Variants in FAM163A observed in about 807,000 individuals in gnomAD.
FAM163A encodes the protein protein FAM163A.
In FAM163A, 7 loss-of-function variants were observed where a neutral mutation model predicts 12.0. The observed-to-expected ratio is 0.58, with a 90% CI of 0.33 to 1.10. The LOEUF is 1.10. Ranked by LOEUF, FAM163A falls within the 50% of genes least tolerant of loss-of-function variation. The probability of loss-of-function intolerance (pLI) is 0.03; values close to 1 mark genes in which losing one functional copy is unlikely to be tolerated. For synonymous variants in FAM163A, 101 were observed against 91.0 expected, an observed-to-expected ratio of 1.11 and a Z score of -0.62; for missense variants, 202 against 218.6, an observed-to-expected ratio of 0.92 and a Z score of 0.48.
chr1:179,740,726 G>C (rs79002509), upstream of FAM163A, among the ~76,000 whole-genome samples: 3 of 152,160 alleles, frequency 2.0e-5, no homozygotes, highest in Non-Finnish European at 2.9e-5. Flanking sequence ...GGTTTCAAGA[G>C]ATTAGAGATG....
intron 2 of FAM163A, among the ~76,000 whole-genome samples, chr1:179,810,401 T>C (rs1694548431): frequency 1.3e-5 from 2 of 152,068 alleles, no homozygotes; most frequent in South Asian, 4.1e-4. Context: ...ACCCCCAGGG[T>C]CTCCAAGAGA....
At chr1:179,742,513 G>A (rs1305242815), upstream of FAM163A, 2 of 152,192 alleles carry the variant, frequency 1.3e-5, no homozygotes, top group Admixed American at 1.3e-4. Context: ...ACCGGAACAG[G>A]TAAACGTTCC....
chr1:179,813,208 G>T lies in FAM163A; in HGVS notation c.93+18G>T. 6 of 1,549,536 alleles carry T rather than the reference G, an allele frequency of 3.9e-6. No individual in the cohort carries two copies. Among genetic ancestry groups the T allele is most frequent in the Non-Finnish European group, 5.2e-6 (6 of 1,145,210 alleles). Reference sequence around the variant, plus strand: ...GGCTCCAGGTCAGTCCCCGGGACCCGTAGCCAGAGGCTGCCAGGCCACCAG... The same window carrying T: ...GGCTCCAGGTCAGTCCCCGGGACCCTTAGCCAGAGGCTGCCAGGCCACCAG... On this transcript the variant is annotated intron_variant, in intron 4 of 4. Coordinates refer to ENST00000341785, the MANE Select transcript of FAM163A (RefSeq NM_173509.3).
At chr1:179,758,608 A>T (rs1337525681) in intron 1 of FAM163A, among the ~76,000 whole-genome samples, 1 of 152,114 alleles carries the variant, frequency 6.6e-6, no homozygotes, top group African/African-American at 2.4e-5. Flanking sequence ...TTTCTAGACC[A>T]TTTCCTTCTT....
intron 1 of FAM163A, among the ~76,000 whole-genome samples, chr1:179,784,535 C>G (rs1690329057): frequency 6.6e-6 from 1 of 152,168 alleles, no homozygotes; most frequent in South Asian, 2.1e-4. Flanking sequence ...TCCAGTGTAA[C>G]CTTCAATAGT....
chr1:179,796,368 A>AT (rs1326860524), intron 1 of FAM163A, among the ~76,000 whole-genome samples: 1 of 152,226 alleles, frequency 6.6e-6, no homozygotes, highest in Non-Finnish European at 1.5e-5. Flanking sequence ...AAGGTGTCAC[A>AT]TTTAAAGAGA....
chr1:179,734,676 G>T, the FAM163A span, among the ~76,000 whole-genome samples: 2 of 152,078 alleles, frequency 1.3e-5, no homozygotes, highest in African/African-American at 4.8e-5. Context: ...CCTGCCAAAG[G>T]CCCCACCTCC....
intron 1 of FAM163A, among the ~76,000 whole-genome samples, chr1:179,787,204 G>A (rs1690755858): frequency 6.6e-6 from 1 of 152,214 alleles, no homozygotes. Context: ...TTAGCCCGAG[G>A]CTCCTCTTAA....
At chr1:179,810,768 C>T (rs1464542609) in intron 2 of FAM163A, among the ~76,000 whole-genome samples, 1 of 152,150 alleles carries the variant, frequency 6.6e-6, no homozygotes, top group Non-Finnish European at 1.5e-5. Flanking sequence ...GACTATGGCT[C>T]ACACTTGTAA....
chr1:179,786,531 C>T (rs1430438132), intron 1 of FAM163A, among the ~76,000 whole-genome samples: 2 of 152,208 alleles, frequency 1.3e-5, no homozygotes, highest in Non-Finnish European at 2.9e-5. Context: ...AAGAGGGTTC[C>T]CCAGGGCTCA....
At chr1:179,763,371 A>G (rs902190108) in intron 1 of FAM163A, among the ~76,000 whole-genome samples, 3 of 152,196 alleles carry the variant, frequency 2.0e-5, no homozygotes, top group Non-Finnish European at 4.4e-5. Flanking sequence ...CCAAAGAGGC[A>G]TATTTTGGCA....
rs1406832601 is a variant in FAM163A at position 179,788,212 on chromosome 1, ATTC to A, written c.-135-19581_-135-19579del. ...TCTAGTCTCCAGTCAAGCCAAGAGA[ATTC>A]TTCTCCAGCCAAGGGAAATCATTCT... On this transcript the variant is annotated intron_variant, in intron 1 of 4. Coordinates refer to ENST00000341785, the MANE Select transcript of FAM163A (RefSeq NM_173509.3). Among the ~76,000 whole-genome samples the A allele has an allele frequency of 3.9e-5, 6 of 152,176 alleles. No individual in the cohort carries two copies. The South Asian group carries it at 6.2e-4, about 16-fold the overall frequency.
chr1:179,801,565 C>T (rs1316715963), intron 1 of FAM163A, among the ~76,000 whole-genome samples: 1 of 152,234 alleles, frequency 6.6e-6, no homozygotes, highest in Non-Finnish European at 1.5e-5. Context: ...AGGTAATCCT[C>T]ACCCTGTAGA....
At chr1:179,757,779 TCCAGCCTGAGCGACAAAG>T (rs1686234389) in intron 1 of FAM163A, among the ~76,000 whole-genome samples, 1 of 152,112 alleles carries the variant, frequency 6.6e-6, no homozygotes, top group Non-Finnish European at 1.5e-5. Context: ...GCCACTGCAC[TCCAGCCTGAGCGACAAAG>T]CGAGACTGTC....
At chr1:179,767,352 C>T (rs984660849) in intron 1 of FAM163A, among the ~76,000 whole-genome samples, 4 of 152,116 alleles carry the variant, frequency 2.6e-5, no homozygotes, top group Non-Finnish European at 4.4e-5. Context: ...CTCTGCAGAC[C>T]GAGTGCCCTG....
At chr1:179,791,421 C>T (rs1382384429) in intron 1 of FAM163A, among the ~76,000 whole-genome samples, 4 of 152,166 alleles carry the variant, frequency 2.6e-5, no homozygotes, top group Admixed American at 6.5e-5. Flanking sequence ...GGTATGCATA[C>T]CCTGTGCCTG....
chr1:179,802,444 T>C (rs1693309257), intron 1 of FAM163A, among the ~76,000 whole-genome samples: 1 of 152,214 alleles, frequency 6.6e-6, no homozygotes, highest in Non-Finnish European at 1.5e-5. Context: ...CGTGATAGCA[T>C]CTACCTGAGT....
chr1:179,757,015 C>T (rs929787051), intron 1 of FAM163A, among the ~76,000 whole-genome samples: 6 of 152,144 alleles, frequency 3.9e-5, no homozygotes, highest in Non-Finnish European at 8.8e-5. Context: ...AGCAAGTTTA[C>T]GCAAACATTA....
chr1:179,780,850 A>T (rs1248597699), intron 1 of FAM163A, among the ~76,000 whole-genome samples: 1 of 152,192 alleles, frequency 6.6e-6, no homozygotes, highest in Non-Finnish European at 1.5e-5. Flanking sequence ...GCTAGACCAG[A>T]GCTGTATTAC....
Sources: gnomAD v4.1 joint callset for allele counts (sites outside exome capture counted in the v4.1 genomes callset) on GRCh38, gnomAD v4.1.1 for gene constraint, MANE v1.5 for transcripts, NCBI Gene and HGNC (gene_info 2026-07-23, HGNC 2026-07-21) for gene names.